PHF20L1: variants seen among roughly 807,000 people sequenced by gnomAD.
PHF20L1 encodes PHD finger protein 20 like 1, also known as PHD finger protein 20-like protein 1.
In PHF20L1, 44 loss-of-function variants were observed where a neutral mutation model predicts 125.5. The ratio of observed to expected loss-of-function variants is 0.35; its 90% CI spans 0.28 to 0.45. The LOEUF is 0.45. PHF20L1 is among the 20% of genes least tolerant of loss of function. The pLI is 1.00. For synonymous variants in PHF20L1, 380 were observed against 403.1 expected, an observed-to-expected ratio of 0.94 and a Z score of 0.69; for missense variants, 1,012 against 1,217.2, an observed-to-expected ratio of 0.83 and a Z score of 2.51.
At chr8:132,805,468 CAAAA>C (rs1281324854) in intron 8 of PHF20L1, among the ~76,000 whole-genome samples, 1 of 151,838 alleles carries the variant, frequency 6.6e-6, no homozygotes, top group East Asian at 1.9e-4. Flanking sequence ...TTCTAGTCTT[CAAAA>C]GAAATTGTGA....
At chr8:132,780,148 A>G (rs1302132899) in intron 2 of PHF20L1, among the ~76,000 whole-genome samples, 1 of 152,148 alleles carries the variant, frequency 6.6e-6, no homozygotes, top group South Asian at 2.1e-4. Flanking sequence ...TAATTTTCTT[A>G]TGGTAATTTT....
chr8:132,775,825 G>A (rs1934825509), intron 1 of PHF20L1, among the ~76,000 whole-genome samples, 180 bp downstream of exon 1: 1 of 151,608 alleles, frequency 6.6e-6, no homozygotes, highest in Admixed American at 6.6e-5. Flanking sequence ...TTACCCCCCT[G>A]CGGAGGGCCG....
Position 132,847,118 on chromosome 8 carries a change from T to C in PHF20L1, c.*1195T>C, listed in dbSNP as rs1838473245. ...TGCCAGTACTCATGTGAGTTGTATG[T>C]GCCCCCAGTGCTACATACGCAGGTA... On this transcript the variant is annotated 3_prime_UTR_variant, in exon 21 of 21. Transcript: ENST00000395386. 1 of 152,626 alleles carries C rather than the reference T, an allele frequency of 6.6e-6. No homozygotes were observed. Among genetic ancestry groups the C allele is most frequent in the Admixed American group, 6.6e-5 (1 of 15,264 alleles). The allele number at this position is 152,626 out of a possible 1,614,324, so 9.5% of individuals were successfully genotyped here.
chr8:132,830,896 C>T (rs932451035), intron 14 of PHF20L1, among the ~76,000 whole-genome samples: 1 of 152,082 alleles, frequency 6.6e-6, no homozygotes, highest in Admixed American at 6.6e-5. Context: ...CTCATACCCA[C>T]TTTTGTTGCC....
intron 14 of PHF20L1, among the ~76,000 whole-genome samples, chr8:132,829,088 A>G (rs1002636856): frequency 6.6e-6 from 1 of 152,078 alleles, no homozygotes; most frequent in African/African-American, 2.4e-5. Context: ...CATAATAGCC[A>G]GAGGGAATTG....
rs771809466 is a variant in PHF20L1, at chr8:132,799,179, G to A, written c.507+7G>A. On this transcript the variant is annotated splice_region_variant and intron_variant, in intron 6 of 20. Coordinates refer to ENST00000395386, the MANE Select transcript of PHF20L1 (RefSeq NM_016018.5). Reference sequence around the variant, plus strand: ...CCAGTCTATGGGAAGTGAGGTAAGAGCCTTTTTTTTAAAAATTTTGTTTTG... The same window carrying A: ...CCAGTCTATGGGAAGTGAGGTAAGAACCTTTTTTTTAAAAATTTTGTTTTG... 3.2e-6 allele frequency: 5 copies of A among 1,581,590 alleles called. No individual in the cohort carries two copies. The highest frequency in any genetic ancestry group is 2.2e-5 in the East Asian group (1 of 44,446).
At chr8:132,783,708 T>C (rs1830691786) in intron 2 of PHF20L1, among the ~76,000 whole-genome samples, 1 of 152,170 alleles carries the variant, frequency 6.6e-6, no homozygotes, top group African/African-American at 2.4e-5. Context: ...TCAGTTTGTC[T>C]ATACATAGAA....
chr8:132,779,856 T>G (rs1830227302), intron 2 of PHF20L1, among the ~76,000 whole-genome samples: 1 of 152,232 alleles, frequency 6.6e-6, no homozygotes, highest in African/African-American at 2.4e-5. Context: ...GAAAGTTGTA[T>G]CTTCTTGCCA....
chr8:132,844,038 G>C, intron 19 of PHF20L1, 118 bp from the exon 20 acceptor site: 1 of 1,485,966 alleles, frequency 6.7e-7, no homozygotes, highest in Non-Finnish European at 8.9e-7. Context: ...GATACCCCTG[G>C]AGTCAGATTG....
At chr8:132,811,248 T>C (rs908058012) in intron 9 of PHF20L1, 120 bp downstream of exon 9, 3 of 1,485,308 alleles carry the variant, frequency 2.0e-6, no homozygotes, top group Admixed American at 2.3e-5. Context: ...AGCTAATTAA[T>C]TGATGATATA....
intron 18 of PHF20L1, chr8:132,842,152 T>A: frequency 6.2e-6 from 1 of 161,686 alleles, no homozygotes; most frequent in Non-Finnish European, 1.3e-5. Context: ...ATTTTTGTCA[T>A]CAGGAGTTAT....
chr8:132,797,038 C>T (rs563630590), intron 4 of PHF20L1, among the ~76,000 whole-genome samples: 66 of 152,152 alleles, frequency 4.3e-4, no homozygotes, highest in Non-Finnish European at 8.1e-4. Context: ...TCCCTTTCAT[C>T]TACAGGCATT....
At position 132,790,540 on chromosome 8, in the gene PHF20L1, A is replaced by T. The variant is rs542802882; in HGVS notation, c.84-3870A>T. On this transcript the variant is annotated intron_variant, in intron 2 of 20. Coordinates refer to ENST00000395386, the MANE Select transcript of PHF20L1 (RefSeq NM_016018.5). ...AGTTTCAACCAGGCTAACAAGTCCC[A>T]TCTGATGTCTTACTAGTCTCCTTTA... Among the ~76,000 whole-genome samples the T allele has an allele frequency of 5.9e-5, 9 of 152,340 alleles. No individual in the cohort carries two copies. In the South Asian group the frequency reaches 1.9e-3, roughly 32 times the overall value.
chr8:132,830,811 C>T (rs982373068), intron 14 of PHF20L1, among the ~76,000 whole-genome samples: 2 of 152,054 alleles, frequency 1.3e-5, no homozygotes, highest in Non-Finnish European at 2.9e-5. Context: ...TAAGATTTCC[C>T]ATCTTACAGA....
chr8:132,785,385 A>T (rs1830898303), intron 2 of PHF20L1, among the ~76,000 whole-genome samples: 1 of 152,208 alleles, frequency 6.6e-6, no homozygotes, highest in Admixed American at 6.5e-5. Context: ...GTAGACAGAA[A>T]TGGCATCTGC....
intron 1 of PHF20L1, among the ~76,000 whole-genome samples, chr8:132,776,807 A>T (rs1829841761): frequency 6.6e-6 from 1 of 152,226 alleles, no homozygotes; most frequent in Non-Finnish European, 1.5e-5. Context: ...ATACCGAAAG[A>T]CATTTTACGG....
chr8:132,841,715 G>A lies in PHF20L1; in HGVS notation c.2388-800G>A, dbSNP rs982229693. The A allele has an allele frequency of 2.6e-5, 4 of 152,086 alleles. No individual in the cohort carries two copies. The East Asian group carries it at 7.7e-4, about 29-fold the overall frequency. The allele number at this position is 152,086 out of a possible 1,614,324, so 9.4% of individuals were successfully genotyped here. A position where few individuals can be genotyped will look rare whatever the true frequency, so the allele number is the denominator to read the frequency against. The stretch of plus-strand genomic sequence containing the variant: ...AAGATTGTTGATGGGGTTGTAATTA[G>A]TATAATCCCTTTTGAGGTCACTTGG... On this transcript the variant is annotated intron_variant, in intron 18 of 20. Transcript: ENST00000395386.
In PHF20L1 at chr8:132,817,385, C is replaced by T. The variant is rs773462784; in HGVS notation, c.1419C>T (p.Leu473=). 1.2e-6 allele frequency: 2 copies of T among 1,612,680 alleles called. No individual in the cohort carries two copies. The highest frequency in any genetic ancestry group is 2.2e-5 in the East Asian group (1 of 44,824). Residue 473 remains leucine, a synonymous_variant, in exon 12 of 21, where the codon CTC becomes CTT. Transcript: ENST00000395386. ...HLPLEKLGPC[L]PLDLSRGSEV... is the part of the protein sequence containing the mutation. ...CACTTGAGAAGCTGGGACCCTGTCT[C>T]CCTCTTGACTTAAGTCGTGGTTCAG...
At chr8:132,830,319 TCCAGGATACTCTCCCTGTTG>T (rs1358190591) in intron 14 of PHF20L1, among the ~76,000 whole-genome samples, 1 of 152,076 alleles carries the variant, frequency 6.6e-6, no homozygotes, top group Non-Finnish European at 1.5e-5. Flanking sequence ...ACCCATATGA[TCCAGGATACTCTCCCTGTTG>T]TGAGGTCAGC....
Sources: gnomAD v4.1 joint callset for allele counts (sites outside exome capture counted in the v4.1 genomes callset) on GRCh38, gnomAD v4.1.1 for gene constraint, MANE v1.5 for transcripts, NCBI Gene and HGNC (gene_info 2026-07-23, HGNC 2026-07-21) for gene names.